Variants in DOCK1 observed in about 807,000 individuals in gnomAD.
DOCK1 encodes dedicator of cytokinesis 1.
Under a neutral mutation model 262.7 loss-of-function variants are expected in DOCK1, and 138 were observed. The observed-to-expected ratio is 0.53, with a 90% CI of 0.46 to 0.61. DOCK1 has a LOEUF of 0.61. Among genes scored for constraint, DOCK1 ranks in the 20% least tolerant of loss-of-function variants. The probability of loss-of-function intolerance (pLI) is 0.00; values close to 1 mark genes in which losing one functional copy is unlikely to be tolerated. For missense variants in DOCK1, 1,908 were observed against 2,370.7 expected, an observed-to-expected ratio of 0.80 and a Z score of 4.05; for synonymous variants, 866 against 867.4, an observed-to-expected ratio of 1.00 and a Z score of 0.03.
chr10:126,923,972 C>A (rs1321092612), intron 1 of DOCK1, among the ~76,000 whole-genome samples: 2 of 152,238 alleles, frequency 1.3e-5, no homozygotes, highest in East Asian at 3.9e-4. Flanking sequence ...CCAGCCTCCA[C>A]AACTGTGGGA....
At chr10:127,211,054 G>A (rs1402266183) in intron 27 of DOCK1, among the ~76,000 whole-genome samples, 1 of 152,016 alleles carries the variant, frequency 6.6e-6, no homozygotes, top group Non-Finnish European at 1.5e-5. Flanking sequence ...TTAAATGTAC[G>A]TTACGGTACT....
At chr10:127,205,429 A>T (rs2057671319) in intron 27 of DOCK1, among the ~76,000 whole-genome samples, 1 of 152,120 alleles carries the variant, frequency 6.6e-6, no homozygotes, top group African/African-American at 2.4e-5. Flanking sequence ...GAGTTGCATG[A>T]TGCATTCGAT....
chr10:126,997,673 G>A (rs1255288261), intron 7 of DOCK1: 2 of 213,606 alleles, frequency 9.4e-6, no homozygotes, highest in African/African-American at 4.5e-5. Flanking sequence ...CTCAGAAATT[G>A]ACTAATTGAA....
At chr10:127,335,781 C>G (rs1255426855) in intron 29 of DOCK1, among the ~76,000 whole-genome samples, 1 of 151,638 alleles carries the variant, frequency 6.6e-6, no homozygotes, top group East Asian at 1.9e-4. Context: ...GTGGTGCAAT[C>G]TCGGCTCATT....
chr10:127,257,600 G>A, intron 29 of DOCK1, 171 bp downstream of exon 29: 2 of 511,648 alleles, frequency 3.9e-6, no homozygotes, highest in Non-Finnish European at 6.9e-6. Flanking sequence ...TGAGTTTGTG[G>A]TGACTTCCTT....
intron 23 of DOCK1, among the ~76,000 whole-genome samples, chr10:127,063,966 G>A (rs116030382): frequency 0.012 from 1,889 of 152,286 alleles, 27 homozygotes; most frequent in African/African-American, 0.034. Context: ...AATTGGTATC[G>A]TATTATTTCA....
chr10:126,925,702 A>T (rs983838695), intron 1 of DOCK1, among the ~76,000 whole-genome samples: 1 of 151,138 alleles, frequency 6.6e-6, no homozygotes, highest in East Asian at 2.0e-4. Context: ...ATGTCTAAAC[A>T]CATACACACA....
intron 29 of DOCK1, among the ~76,000 whole-genome samples, chr10:127,296,565 A>ACACCAGGCAAAGAATCTTCCAGATTCCTG (rs1733327408): frequency 2.6e-5 from 4 of 152,230 alleles, no homozygotes; most frequent in Non-Finnish European, 5.9e-5. Flanking sequence ...GGCTCTGTCT[A>ACACCAGGCAAAGAATCTTCCAGATTCCTG]CACCAGGCAA....
intron 1 of DOCK1, among the ~76,000 whole-genome samples, chr10:126,959,794 C>T (rs1406231863): frequency 3.9e-5 from 6 of 152,130 alleles, no homozygotes; most frequent in African/African-American, 1.2e-4. Flanking sequence ...CTTTGCTAGT[C>T]AAGATCCTGG....
intron 27 of DOCK1, among the ~76,000 whole-genome samples, chr10:127,129,151 G>A (rs919669132): frequency 1.1e-4 from 16 of 152,244 alleles, no homozygotes; most frequent in Middle Eastern, 3.4e-3. Flanking sequence ...TGTCGTGTGC[G>A]TCACAGACAG....
chr10:127,039,202 G>T (rs2043857090), intron 19 of DOCK1, among the ~76,000 whole-genome samples: 1 of 152,056 alleles, frequency 6.6e-6, no homozygotes, highest in African/African-American at 2.4e-5. Flanking sequence ...CTCAGTCCTG[G>T]TGTTCTCCCA....
chr10:127,343,696 C>T lies in DOCK1; in HGVS notation c.3174C>T (p.Ser1058=), dbSNP rs1252325732. 3 of 1,611,468 alleles carry T rather than the reference C, an allele frequency of 1.9e-6. No homozygotes were observed. The highest frequency in any genetic ancestry group is 2.5e-6 in the Non-Finnish European group (3 of 1,178,986). ...HLAVAFLTQE[S]LQLENFSSAK... ...CTGTTGCTTTCCTTACTCAAGAGTCCCTGCAACTGGAGAATTTTTCAAGTG... is the reference window on the plus strand; with the variant it reads ...CTGTTGCTTTCCTTACTCAAGAGTCTCTGCAACTGGAGAATTTTTCAAGTG... The change falls in exon 31 of 52, where the codon TCC becomes TCT. Residue 1058 remains serine, a synonymous_variant. Transcript: ENST00000623213.
chr10:127,007,615 C>G (rs2041132867), intron 10 of DOCK1: 1 of 152,186 alleles, frequency 6.6e-6, no homozygotes, highest in African/African-American at 2.4e-5. Context: ...GAAAGGTAGA[C>G]AGTGTGTCTG....
At position 127,348,466 on chromosome 10, in the gene DOCK1, C is replaced by T. The variant is rs754072653; in HGVS notation, c.3224+4720C>T. Among the ~76,000 whole-genome samples the T allele has an allele frequency of 1.2e-4, 19 of 152,212 alleles. 1 individual carries two copies. The highest frequency in any genetic ancestry group is 3.6e-4 in the African/African-American group (15 of 41,514). Reference sequence around the variant, plus strand: ...GCAAAGGAGCTTCTGTGTTCAGGACCGGAAGAGGAACAGGGTTCATGAATT... The same window carrying T: ...GCAAAGGAGCTTCTGTGTTCAGGACTGGAAGAGGAACAGGGTTCATGAATT... On this transcript the variant is annotated intron_variant, in intron 31 of 51. Coordinates refer to ENST00000623213, the MANE Select transcript of DOCK1 (RefSeq NM_001290223.2).
At position 127,008,662 on chromosome 10, in the gene DOCK1, CTT is replaced by C. The variant is rs1001281047; in HGVS notation, c.986-68_986-67del. The C allele has an allele frequency of 3.1e-6, 4 of 1,303,084 alleles. No individual in the cohort carries two copies. In the African/African-American group the frequency reaches 5.9e-5, roughly 19 times the overall value. The allele number at this position is 1,303,084 out of a possible 1,614,324, so 80.7% of individuals were successfully genotyped here. A position where few individuals can be genotyped will look rare whatever the true frequency, so the allele number is the denominator to read the frequency against. On this transcript the variant is annotated intron_variant, in intron 10 of 51. Transcript: ENST00000623213. ...TTTGCCAGAAGATATTCTGATGTTC[CTT>C]TGTTTGTTTGTGTTCTGTGATTATA...
intron 29 of DOCK1, among the ~76,000 whole-genome samples, chr10:127,336,776 T>C (rs557324929): frequency 6.6e-6 from 1 of 152,182 alleles, no homozygotes; most frequent in African/African-American, 2.4e-5. Context: ...CCTGACCTCG[T>C]GATTCACCCA....
intron 29 of DOCK1, among the ~76,000 whole-genome samples, chr10:127,308,938 T>G (rs529926324): frequency 6.6e-6 from 1 of 152,290 alleles, no homozygotes; most frequent in East Asian, 1.9e-4. Flanking sequence ...TTATATTCCT[T>G]TAGGTATATA....
intron 29 of DOCK1, among the ~76,000 whole-genome samples, chr10:127,276,951 GA>G (rs1047011168): frequency 3.5e-4 from 53 of 150,380 alleles, no homozygotes; most frequent in African/African-American, 1.1e-3. Flanking sequence ...CACAGAGCTG[GA>G]AAAACTAATA....
At position 127,023,197 on chromosome 10, in the gene DOCK1, C is replaced by T. The variant is rs751485280; in HGVS notation, c.1328-3C>T. The T allele has an allele frequency of 1.9e-6, 3 of 1,613,188 alleles. No homozygotes were observed. Among genetic ancestry groups the T allele is most frequent in the Non-Finnish European group, 2.5e-6 (3 of 1,179,596 alleles). On this transcript the variant is annotated splice_polypyrimidine_tract_variant and splice_region_variant and intron_variant, in intron 13 of 51. Transcript: ENST00000623213. ...TTTAAATGTATGATTTCTCCCCCCT[C>T]AGGTGATGTTCGAAATGATATCTAT... is the stretch of plus-strand genomic sequence containing the variant.
Sources: allele counts gnomAD v4.1 joint callset (sites outside exome capture counted in the v4.1 genomes callset), GRCh38; gene constraint gnomAD v4.1.1; transcripts MANE v1.5; gene names NCBI Gene and HGNC (gene_info 2026-07-23, HGNC 2026-07-21).